PTPRD: variants seen among roughly 807,000 people sequenced by gnomAD.
PTPRD encodes the protein protein tyrosine phosphatase receptor type D.
PTPRD carries 34 observed loss-of-function variants against 214.5 expected under a neutral mutation model. That is an observed-to-expected ratio of 0.16 (90% confidence interval 0.12 to 0.21). The LOEUF is 0.21. Among genes scored for constraint, PTPRD ranks in the 10% least tolerant of loss-of-function variants. PTPRD has a pLI of 1.00. For synonymous variants in PTPRD, 1,128 were observed against 845.7 expected, an observed-to-expected ratio of 1.33 and a Z score of -5.79; for missense variants, 2,545 against 2,398.7, an observed-to-expected ratio of 1.06 and a Z score of -1.27.
intron 3 of PTPRD, among the ~76,000 whole-genome samples, chr9:10,066,962 T>TG (rs2097897839): frequency 6.8e-6 from 1 of 146,408 alleles, no homozygotes; most frequent in Non-Finnish European, 1.5e-5. Context: ...GTTGTCCTTC[T>TG]GGAAAAAAAA....
In PTPRD at chr9:10,057,306, T is replaced by G. The variant is rs115270443; in HGVS notation, c.-544-23516A>C. Among the ~76,000 whole-genome samples the G allele has an allele frequency of 3.3e-3, 495 of 152,130 alleles. 3 individuals are homozygous for G. Among genetic ancestry groups the G allele is most frequent in the African/African-American group, 0.011 (452 of 41,514 alleles). ...AGTATAGTCAGGATCACAAAGGCCA[T>G]GAAAGATAATTTAACAGAGGAAATT... On this transcript the variant is annotated intron_variant, in intron 3 of 45. Coordinates refer to ENST00000381196, the MANE Select transcript of PTPRD (RefSeq NM_002839.4).
chr9:9,511,282 T>C (rs2154244427), intron 8 of PTPRD, among the ~76,000 whole-genome samples: 1 of 151,878 alleles, frequency 6.6e-6, no homozygotes, highest in South Asian at 2.1e-4. Flanking sequence ...ACTAAACAGG[T>C]ATTGACAAAT....
chr9:8,842,122 C>T (rs1415210728), intron 11 of PTPRD, among the ~76,000 whole-genome samples: 1 of 151,626 alleles, frequency 6.6e-6, no homozygotes, highest in East Asian at 1.9e-4. Context: ...AAAAACCTAC[C>T]TAAAACAAAA....
chr9:10,093,019 T>G (rs560490386), intron 3 of PTPRD, among the ~76,000 whole-genome samples: 1 of 151,654 alleles, frequency 6.6e-6, no homozygotes, highest in South Asian at 2.1e-4. Context: ...ACCTAGGACA[T>G]ACCTGTCTCA....
chr9:10,298,303 C>G (rs2095748779), intron 3 of PTPRD, among the ~76,000 whole-genome samples: 1 of 151,958 alleles, frequency 6.6e-6, no homozygotes, highest in Non-Finnish European at 1.5e-5. Flanking sequence ...ATTACAGGTT[C>G]CAATAATAAT....
At chr9:8,940,446 C>CTTTTTTTTTTTTTTTTT (rs34288443) in intron 11 of PTPRD, among the ~76,000 whole-genome samples, 67 of 95,004 alleles carry the variant, frequency 7.1e-4, no homozygotes, top group Non-Finnish European at 1.1e-3. Context: ...CCACTCCCAG[C>CTTTTTTTTTTTTTTTTT]TTTTTTTTTT....
At chr9:8,686,460 T>C (rs1315952012) in intron 12 of PTPRD, among the ~76,000 whole-genome samples, 1 of 152,222 alleles carries the variant, frequency 6.6e-6, no homozygotes, top group Admixed American at 6.5e-5. Flanking sequence ...CATGTTCTAA[T>C]TCTCACCAGA....
At chr9:8,437,710 T>C (rs1366763110) in intron 34 of PTPRD, among the ~76,000 whole-genome samples, 3 of 151,864 alleles carry the variant, frequency 2.0e-5, no homozygotes, top group African/African-American at 7.3e-5. Flanking sequence ...TAATGAGAAA[T>C]GGATTCAGGG....
intron 5 of PTPRD, chr9:9,800,646 T>G (rs886075669): frequency 2.0e-5 from 3 of 152,200 alleles, no homozygotes; most frequent in African/African-American, 7.2e-5. Flanking sequence ...AACCACTTGT[T>G]TGATACTTTG....
chr9:9,566,150 T>C (rs1452873513), intron 8 of PTPRD, among the ~76,000 whole-genome samples: 2 of 152,008 alleles, frequency 1.3e-5, no homozygotes, highest in Non-Finnish European at 2.9e-5. Flanking sequence ...CAGTACTTAT[T>C]AAAATTCTCA....
intron 11 of PTPRD, among the ~76,000 whole-genome samples, chr9:8,930,395 T>A (rs1432460068): frequency 6.6e-6 from 1 of 152,192 alleles, no homozygotes; most frequent in Non-Finnish European, 1.5e-5. Flanking sequence ...AAGTCTTTGC[T>A]ATTGTGAATA....
At chr9:8,460,807 T>C (rs2096377086) in intron 32 of PTPRD, among the ~76,000 whole-genome samples, 1 of 152,106 alleles carries the variant, frequency 6.6e-6, no homozygotes. Flanking sequence ...ATCATTTTGA[T>C]AGTACAAATT....
chr9:9,383,147 T>C (rs974473403), intron 9 of PTPRD, among the ~76,000 whole-genome samples: 1 of 152,040 alleles, frequency 6.6e-6, no homozygotes, highest in African/African-American at 2.4e-5. Context: ...CATTTTTCTT[T>C]TGTGATTTGG....
At chr9:8,818,043 C>T (rs1381096272) in intron 11 of PTPRD, among the ~76,000 whole-genome samples, 1 of 152,112 alleles carries the variant, frequency 6.6e-6, no homozygotes, top group Non-Finnish European at 1.5e-5. Flanking sequence ...ATTTTCAGGG[C>T]ATTTTAGATA....
At chr9:9,808,488 C>T (rs191723555) in intron 5 of PTPRD, among the ~76,000 whole-genome samples, 28 of 152,200 alleles carry the variant, frequency 1.8e-4, no homozygotes, top group East Asian at 5.8e-4. Context: ...ATATCACCAC[C>T]GTACCCGGAT....
In PTPRD at chr9:10,091,960, G is replaced by C. The variant is rs571323117; in HGVS notation, c.-544-58170C>G. Among the ~76,000 whole-genome samples, 4 of 151,446 alleles carry C rather than the reference G, an allele frequency of 2.6e-5. No individual in the cohort carries two copies. In the East Asian group the frequency reaches 7.8e-4, roughly 30 times the overall value. The stretch of plus-strand genomic sequence containing the variant: ...GCTTCAGAGTAGTAGTACAGTACAA[G>C]GTGTGTATGAGCATAGATAACTTAG... On this transcript the variant is annotated intron_variant, in intron 3 of 45. Coordinates refer to ENST00000381196, the MANE Select transcript of PTPRD (RefSeq NM_002839.4).
intron 5 of PTPRD, among the ~76,000 whole-genome samples, chr9:9,818,225 A>G (rs912358): frequency 0.56 from 84,375 of 151,520 alleles, 26,304 homozygotes; most frequent in East Asian, 0.88. Flanking sequence ...TTAAATGGTG[A>G]AATCTCCAAA....
intron 9 of PTPRD, among the ~76,000 whole-genome samples, chr9:9,371,723 C>A (rs577445371): frequency 5.2e-4 from 79 of 152,252 alleles, no homozygotes; most frequent in African/African-American, 1.8e-3. Flanking sequence ...AATTTTAGAT[C>A]TTTCCTGCTT....
At chr9:9,877,656 G>A (rs1401900863) in intron 5 of PTPRD, among the ~76,000 whole-genome samples, 1 of 152,046 alleles carries the variant, frequency 6.6e-6, no homozygotes, top group Non-Finnish European at 1.5e-5. Flanking sequence ...AGGAAAACAG[G>A]TTTTGATTAA....
Sources: allele counts gnomAD v4.1 joint callset (sites outside exome capture counted in the v4.1 genomes callset), GRCh38; gene constraint gnomAD v4.1.1; transcripts MANE v1.5; gene names NCBI Gene and HGNC (gene_info 2026-07-23, HGNC 2026-07-21).